TMC5: variants seen among roughly 807,000 people sequenced by gnomAD.
The protein encoded by TMC5 is transmembrane channel like 5, also known as transmembrane channel-like protein 5.
TMC5 carries 86 observed loss-of-function variants against 110.5 expected under a neutral mutation model. The ratio of observed to expected loss-of-function variants is 0.78; its 90% CI spans 0.65 to 0.93. The LOEUF (loss-of-function observed/expected upper bound fraction) is 0.93, where lower values mean the gene tolerates loss of function less well. TMC5 is among the 40% of genes least tolerant of loss of function. The pLI is 0.00. For synonymous variants in TMC5, 455 were observed against 439.5 expected (o/e 1.04, Z -0.44); for missense variants, 1,144 against 1,222.8 (o/e 0.94, Z 0.96).
intron 20 of TMC5, 31 bp from the exon 21 acceptor site, chr16:19,497,090 T>G (rs1969075159): frequency 6.2e-7 from 1 of 1,613,534 alleles, no homozygotes; most frequent in Non-Finnish European, 8.5e-7. Context: ...TCTTCCTCCG[T>G]GACGTGGCTG....
Position 19,472,110 on chromosome 16 carries a change from A to G in TMC5, c.1805A>G (p.Gln602Arg). 1 of 1,614,164 alleles carries G rather than the reference A, an allele frequency of 6.2e-7. No individual in the cohort carries two copies. ...TAGGAGAACCTGTCAGAGCTCCGTCAGGAGAATTCCAAGTTGACGTTCAAT... is the reference window on the plus strand; with the variant it reads ...TAGGAGAACCTGTCAGAGCTCCGTCGGGAGAATTCCAAGTTGACGTTCAAT... The part of the protein sequence containing the change: ...EIRENLSELR[Q>R]ENSKLTFNQL... The change falls in exon 11 of 22, where the codon CAG (glutamine) becomes CGG (arginine). Residue 602 changes from glutamine to arginine, a missense_variant. Transcript: ENST00000542583.
At chr16:19,443,616 G>A in intron 3 of TMC5, among the ~76,000 whole-genome samples, 1 of 152,132 alleles carries the variant, frequency 6.6e-6, no homozygotes, top group East Asian at 1.9e-4. Flanking sequence ...TCACCTTCTA[G>A]CCCATGCCTA....
upstream of TMC5, among the ~76,000 whole-genome samples, chr16:19,417,193 T>C (rs901287733): frequency 3.4e-5 from 5 of 147,568 alleles, no homozygotes; most frequent in African/African-American, 1.3e-4. Context: ...CCGAGATGGG[T>C]GGATCACTTG....
chr16:19,460,143 T>C, intron 5 of TMC5, 92 bp from the exon 6 acceptor site: 1 of 882,218 alleles, frequency 1.1e-6, no homozygotes, highest in Non-Finnish European at 1.7e-6. Context: ...ACTTCTTCCC[T>C]TGTGTTACGT....
chr16:19,487,724 TAAA>T (rs1446972940), intron 17 of TMC5: 1 of 113,274 alleles, frequency 8.8e-6, no homozygotes, highest in African/African-American at 4.4e-5. Flanking sequence ...AATAAATAAA[TAAA>T]TAAATAAATA....
Position 19,465,045 on chromosome 16 carries a change from TTCTTTCTTTCTTTTCC to T in TMC5, c.1485+1023_1486-1020del, listed in dbSNP as rs59933287. 2.7e-3 allele frequency among the ~76,000 whole-genome samples: 289 copies of T among 107,962 alleles called. 3 individuals are homozygous for T. The highest frequency in any genetic ancestry group is 0.011 in the African/African-American group (248 of 23,430). The allele number at this position is 107,962 out of a possible 152,430, so 70.8% of individuals were successfully genotyped here. A position where few individuals can be genotyped will look rare whatever the true frequency, so the allele number is the denominator to read the frequency against. On this transcript the variant is annotated intron_variant, in intron 8 of 21. Coordinates refer to ENST00000542583, the MANE Select transcript of TMC5 (RefSeq NM_001261841.2). ...TTTCTTTCTTTCTTTCTTTCTTTCTTTCTTTCTTTCTTTTCCTTCCTTCCTTCCTTCCTTCCTTCCT... is the reference window on the plus strand; with the variant it reads ...TTTCTTTCTTTCTTTCTTTCTTTCTTTTCCTTCCTTCCTTCCTTCCTTCCT...
intron 2 of TMC5, among the ~76,000 whole-genome samples, chr16:19,438,692 G>C (rs1354682926): frequency 6.6e-6 from 1 of 151,902 alleles, no homozygotes; most frequent in African/African-American, 2.4e-5. Flanking sequence ...GGTTGCAGTG[G>C]GCCGAGATTG....
At chr16:19,492,421 G>T in intron 19 of TMC5, 193 bp downstream of exon 19, 2 of 401,736 alleles carry the variant, frequency 5.0e-6, no homozygotes, top group Non-Finnish European at 8.8e-6. Context: ...TTTATTCTTA[G>T]TATTTATTTA....
At chr16:19,442,513 C>T (rs1967512555) in intron 3 of TMC5, among the ~76,000 whole-genome samples, 1 of 151,736 alleles carries the variant, frequency 6.6e-6, no homozygotes, top group Admixed American at 6.6e-5. Context: ...AGTTTTAGTA[C>T]AGACAGGGTT....
At chr16:19,487,449 C>G in intron 17 of TMC5, 123 bp downstream of exon 17, 2 of 1,318,418 alleles carry the variant, frequency 1.5e-6, no homozygotes, top group South Asian at 3.1e-5. Flanking sequence ...CGCCTGTGAT[C>G]CCGGCACTAT....
chr16:19,456,354 C>T, intron 5 of TMC5: 1 of 625,802 alleles, frequency 1.6e-6, no homozygotes, highest in Non-Finnish European at 2.0e-6. Flanking sequence ...TGCCCTTTGA[C>T]TATGAGTCAT....
In TMC5 at chr16:19,440,633, G is replaced by A. The variant is rs774529822; in HGVS notation, c.595G>A (p.Ala199Thr). The change falls in exon 3 of 22, where the codon GCA becomes ACA. Residue 199 changes from alanine (A) to threonine (T), a missense_variant. Physicochemically the swap from Ala to Thr is moderately conservative, Grantham distance 58. Transcript: ENST00000542583. ...TACAAGTTTTAGAATCAATCCATAC[G>A]CAGACTCTCTGGGAAAGCCTGATTA... ...EHTSFRINPY[A>T]DSLGKPDYPG... 6 of 1,614,138 alleles carry A rather than the reference G, an allele frequency of 3.7e-6. No homozygotes were observed. Among genetic ancestry groups the A allele is most frequent in the African/African-American group, 1.3e-5 (1 of 75,030 alleles).
At chr16:19,494,223 A>G (rs1176403122) in intron 19 of TMC5, 39 bp from the exon 20 acceptor site, 11 of 1,511,018 alleles carry the variant, frequency 7.3e-6, no homozygotes, top group Non-Finnish European at 1.0e-5. Flanking sequence ...ATTCATTCAT[A>G]TTTTTGTTTC....
At chr16:19,496,413 T>A (rs1969054433) in intron 20 of TMC5, among the ~76,000 whole-genome samples, 2 of 152,184 alleles carry the variant, frequency 1.3e-5, no homozygotes, top group African/African-American at 4.8e-5. Flanking sequence ...GAAATTGTGA[T>A]CTTGACAGAA....
At position 19,440,481 on chromosome 16, in the gene TMC5, G is replaced by C. The variant is rs1039289369; in HGVS notation, c.443G>C (p.Gly148Ala). ...AGSSSSGNYA[G>A]SRTHPDHFGS... ...TCCAGCAGCAGTGGAAACTATGCAG[G>C]CTCCAGAACACATCCAGATCATTTT... Residue 148 changes from glycine to alanine, a missense_variant, in exon 3 of 22, where the codon GGC becomes GCC. Coordinates refer to ENST00000542583, the MANE Select transcript of TMC5 (RefSeq NM_001261841.2). 1 of 1,614,072 alleles carries C rather than the reference G, an allele frequency of 6.2e-7. No homozygotes were observed. Among genetic ancestry groups the C allele is most frequent in the Non-Finnish European group, 8.5e-7 (1 of 1,180,018 alleles).
intron 6 of TMC5, chr16:19,462,458 G>A (rs1968047521): frequency 2.9e-6 from 2 of 697,332 alleles, no homozygotes; most frequent in Non-Finnish European, 5.2e-6. Flanking sequence ...GAGACTGGGT[G>A]ATTTATAAAG....
chr16:19,453,703 C>T (rs1967800981), intron 5 of TMC5, among the ~76,000 whole-genome samples: 1 of 151,958 alleles, frequency 6.6e-6, no homozygotes, highest in Non-Finnish European at 1.5e-5. Flanking sequence ...AGGAGGCAGG[C>T]ACTGCAGTGA....
intron 15 of TMC5, among the ~76,000 whole-genome samples, chr16:19,484,391 T>C (rs1472372635): frequency 3.9e-5 from 6 of 152,240 alleles, no homozygotes; most frequent in East Asian, 3.8e-4. Context: ...TAGGATGCCA[T>C]TGGGCAAGTT....
intron 1 of TMC5, among the ~76,000 whole-genome samples, chr16:19,427,954 G>A (rs1305653845): frequency 3.3e-5 from 5 of 152,146 alleles, no homozygotes; most frequent in Admixed American, 6.5e-5. Flanking sequence ...CAATTGCATC[G>A]ACCAGCTTTA....
Sources: gnomAD v4.1 joint callset for allele counts (sites outside exome capture counted in the v4.1 genomes callset) on GRCh38, gnomAD v4.1.1 for gene constraint, MANE v1.5 for transcripts, NCBI Gene and HGNC (gene_info 2026-07-23, HGNC 2026-07-21) for gene names.